The following TRRAP variants were observed in gnomAD, a reference collection of about 807,000 sequenced individuals.
TRRAP encodes transformation/transcription domain associated protein, also known as transformation/transcription domain-associated protein.
In TRRAP, 41 loss-of-function variants were observed where a neutral mutation model predicts 438.8. That is an observed-to-expected ratio of 0.09 (90% CI 0.07 to 0.12). The LOEUF (loss-of-function observed/expected upper bound fraction) is 0.12, where lower values mean the gene tolerates loss of function less well. Ranked by LOEUF, TRRAP falls within the 10% of genes least tolerant of loss-of-function variation. TRRAP has a pLI of 1.00. For synonymous variants in TRRAP, 1,994 were observed against 1,962.9 expected (o/e 1.02, Z -0.42); for missense variants, 3,122 against 5,055.1 (o/e 0.62, Z 11.60).
In TRRAP at chr7:99,011,379, C is replaced by T; in HGVS notation, c.11181C>T (p.Asp3727=). The change falls in exon 72 of 73, where the codon GAC becomes GAT. Residue 3727 remains aspartate, a synonymous_variant. Coordinates refer to ENST00000456197, the MANE Select transcript of TRRAP (RefSeq NM_001375524.1). This position sits in a 1 kb window ranked among gnomAD's most constrained non-coding sequence, Gnocchi z 7.1. Reference sequence around the variant, plus strand: ...TGAATGTTGCCTACTTTCGATTTGACATAAACGACGCGACTGGAGACCTGG... The same window carrying T: ...TGAATGTTGCCTACTTTCGATTTGATATAAACGACGCGACTGGAGACCTGG... ...GKLNVAYFRF[D]INDATGDLDA... is the part of the protein sequence containing the mutation. 1 of 1,613,870 alleles carries T rather than the reference C, an allele frequency of 6.2e-7. No individual in the cohort carries two copies. The highest frequency in any genetic ancestry group is 2.2e-5 in the East Asian group (1 of 44,870).
At chr7:98,891,835 G>C (rs1445368218) in intron 4 of TRRAP, among the ~76,000 whole-genome samples, 5 of 152,070 alleles carry the variant, frequency 3.3e-5, no homozygotes, top group Admixed American at 3.3e-4. Flanking sequence ...ACCGCGCCCG[G>C]CCCAGCATGT....
At position 99,011,167 on chromosome 7, in the gene TRRAP, T is replaced by C. The variant is rs202108541; in HGVS notation, c.11054T>C (p.Met3685Thr). The part of the protein sequence containing the change: ...NATDYWTFRK[M>T]FTIQLALIGF... ...ACGGACTACTGGACGTTCCGGAAGA[T>C]GTTCACCATCCAGCTGGCTCTGATA... The change falls in exon 71 of 73, where the codon ATG becomes ACG. Residue 3685 changes from methionine (M) to threonine (T), a missense_variant. Met to Thr is a moderately conservative substitution (Grantham distance 81). Around this residue, in one of 24 missense-constraint regions of TRRAP, gnomAD observed 192 missense variants for 355.6 expected, o/e 0.54. Coordinates refer to ENST00000456197, the MANE Select transcript of TRRAP (RefSeq NM_001375524.1). This position sits in a 1 kb window ranked among gnomAD's most constrained non-coding sequence, Gnocchi z 7.1. The C allele has an allele frequency of 1.2e-6, 2 of 1,614,144 alleles. No homozygotes were observed. The highest frequency in any genetic ancestry group is 1.7e-6 in the Non-Finnish European group (2 of 1,180,022).
chr7:99,008,471 C>A lies in TRRAP; in HGVS notation c.10848C>A (p.Ala3616=). 1 of 1,614,182 alleles carries A rather than the reference C, an allele frequency of 6.2e-7. No homozygotes were observed. The highest frequency in any genetic ancestry group is 8.5e-7 in the Non-Finnish European group (1 of 1,180,030). ...SLVEIYKQRC[A]KKGIEHDNPI... Reference sequence around the variant, plus strand: ...TGGAGATCTACAAGCAGCGCTGCGCCAAGAAGGGCATCGAGCATGACAACC... The same window carrying A: ...TGGAGATCTACAAGCAGCGCTGCGCAAAGAAGGGCATCGAGCATGACAACC... Residue 3616 remains alanine (A), a synonymous_variant, in exon 70 of 73, where the codon GCC becomes GCA. Coordinates refer to ENST00000456197, the MANE Select transcript of TRRAP (RefSeq NM_001375524.1).
At position 98,905,724 on chromosome 7, in the gene TRRAP, G is replaced by A. The variant is rs148253377; in HGVS notation, c.1037-453G>A. Among the ~76,000 whole-genome samples, 104 of 152,296 alleles carry A rather than the reference G, an allele frequency of 6.8e-4. 1 individual carries two copies. Among genetic ancestry groups the A allele is most frequent in the African/African-American group, 2.4e-3 (101 of 41,568 alleles). ...ATGCCTGTGAGAACATTGTAAAAAC[G>A]CCTGGACCTTTGTAATTTACATAGA... On this transcript the variant is annotated intron_variant, in intron 12 of 72. Transcript: ENST00000456197.
In TRRAP at chr7:98,951,059, CTGTG is replaced by C. The variant is rs67173253; in HGVS notation, c.5463+87_5463+90del. ...AGTAGCCTGGCATGTGGATGAACAT[CTGTG>C]TGTGTGTGTGTGTGTGTGTGTGTGT... On this transcript the variant is annotated intron_variant, in intron 39 of 72. Coordinates refer to ENST00000456197, the MANE Select transcript of TRRAP (RefSeq NM_001375524.1). 3.8e-3 allele frequency: 3,699 copies of C among 967,862 alleles called. 6 individuals are homozygous for C. Among genetic ancestry groups the C allele is most frequent in the African/African-American group, 0.029 (1,729 of 60,504 alleles). 60.0% of individuals were successfully genotyped at this position (967,862 alleles called of 1,614,324 possible).
At chr7:98,915,452 A>G (rs1290592461) in intron 18 of TRRAP, among the ~76,000 whole-genome samples, 2 of 152,152 alleles carry the variant, frequency 1.3e-5, no homozygotes, top group Non-Finnish European at 1.5e-5. Flanking sequence ...TTGGCCTCCC[A>G]AAGTGCTGGG....
chr7:98,991,187 T>TC (rs1162715929), intron 64 of TRRAP, among the ~76,000 whole-genome samples: 1 of 152,130 alleles, frequency 6.6e-6, no homozygotes, highest in African/African-American at 2.4e-5. Context: ...GATGTCCCTC[T>TC]CCCGTGAAAA....
chr7:98,904,347 G>C (rs1796617200), intron 12 of TRRAP, among the ~76,000 whole-genome samples: 1 of 152,018 alleles, frequency 6.6e-6, no homozygotes, highest in Non-Finnish European at 1.5e-5. Context: ...GCCAGGCGTG[G>C]TGGCGGGCAC....
chr7:98,966,978 A>G, intron 49 of TRRAP, 63 bp from the exon 50 acceptor site: 1 of 1,539,432 alleles, frequency 6.5e-7, no homozygotes, highest in Non-Finnish European at 8.8e-7. Flanking sequence ...GTAGGAGCTT[A>G]AAAAATACTA....
At chr7:98,937,966 G>A in intron 30 of TRRAP, 146 bp downstream of exon 30, 1 of 864,932 alleles carries the variant, frequency 1.2e-6, no homozygotes, top group Non-Finnish European at 1.6e-6. Context: ...CTTGCAGTTG[G>A]GAGTTCGAGA....
chr7:98,990,709 G>A, intron 64 of TRRAP, 90 bp downstream of exon 64: 2 of 1,423,040 alleles, frequency 1.4e-6, no homozygotes, highest in Non-Finnish European at 9.4e-7. Flanking sequence ...AAATTTGAGT[G>A]TTCAAAGTAT....
intron 2 of TRRAP, chr7:98,881,740 CGT>C (rs1216369096): frequency 1.3e-5 from 6 of 462,002 alleles, no homozygotes; most frequent in Admixed American, 4.0e-5. Flanking sequence ...CAAAGAGGCA[CGT>C]GTGTGTGTTT....
In TRRAP at chr7:98,994,348, T is replaced by G. The variant is rs1192434296; in HGVS notation, c.10048-239T>G. ...CCAAAAAAGTGGGGCTTTTCTGTTTTCGCTTTTTGAATGTTCAGGTCCCTT... is the reference window on the plus strand; with the variant it reads ...CCAAAAAAGTGGGGCTTTTCTGTTTGCGCTTTTTGAATGTTCAGGTCCCTT... On this transcript the variant is annotated intron_variant, in intron 66 of 72. Coordinates refer to ENST00000456197, the MANE Select transcript of TRRAP (RefSeq NM_001375524.1). This position sits in a 1 kb window ranked among gnomAD's most constrained non-coding sequence, Gnocchi z 4.8. 6.6e-6 allele frequency among the ~76,000 whole-genome samples: 1 copy of G among 152,172 alleles called. No individual in the cohort carries two copies. Among genetic ancestry groups the G allele is most frequent in the African/African-American group, 2.4e-5 (1 of 41,436 alleles).
intron 48 of TRRAP, 30 bp downstream of exon 48, chr7:98,964,805 TCAGACTCTGTTGAACAGAGAA>T (rs770096272): frequency 2.0e-5 from 32 of 1,600,512 alleles, no homozygotes; most frequent in East Asian, 1.8e-4. Context: ...GGGCCTTTCC[TCAGACTCTGTTGAACAGAGAA>T]CAGACTCTGT....
chr7:98,912,677 A>G (rs1789327930), intron 18 of TRRAP, among the ~76,000 whole-genome samples: 2 of 152,114 alleles, frequency 1.3e-5, no homozygotes, highest in South Asian at 4.1e-4. Context: ...AGATGGTTCT[A>G]TTTTTAAAAA....
At chr7:98,939,516 A>G (rs1259288572) in intron 30 of TRRAP, among the ~76,000 whole-genome samples, 2 of 152,252 alleles carry the variant, frequency 1.3e-5, no homozygotes, top group Admixed American at 6.5e-5. Context: ...CCCTAATAAT[A>G]CATTATAATT....
intron 59 of TRRAP, among the ~76,000 whole-genome samples, chr7:98,982,848 G>A (rs1056633184): frequency 6.6e-5 from 10 of 152,216 alleles, no homozygotes; most frequent in East Asian, 1.9e-4. Flanking sequence ...TAGCAGGCAC[G>A]TTGGGAAAAG....
Position 98,950,856 on chromosome 7 carries a change from T to G in TRRAP, c.5335-20T>G. ...GCATGGCTTTGTTTTTCTCCTTCTT[T>G]ATTTAAATTTTTTTTGTAGGTTCTG... is the stretch of plus-strand genomic sequence containing the variant. On this transcript the variant is annotated intron_variant, in intron 38 of 72. Coordinates refer to ENST00000456197, the MANE Select transcript of TRRAP (RefSeq NM_001375524.1). 1 of 1,508,688 alleles carries G rather than the reference T, an allele frequency of 6.6e-7. No homozygotes were observed. Among genetic ancestry groups the G allele is most frequent in the Non-Finnish European group, 8.8e-7 (1 of 1,131,708 alleles). 93.5% of individuals were successfully genotyped at this position (1,508,688 alleles called of 1,614,324 possible). A position where few individuals can be genotyped will look rare whatever the true frequency, so the allele number is the denominator to read the frequency against.
At chr7:98,960,858 C>T (rs915227987) in intron 45 of TRRAP, among the ~76,000 whole-genome samples, 1 of 151,972 alleles carries the variant, frequency 6.6e-6, no homozygotes, top group Admixed American at 6.6e-5. Flanking sequence ...CTCAAGTGAT[C>T]CATCCACTTC....
Sources: allele counts gnomAD v4.1 joint callset (sites outside exome capture counted in the v4.1 genomes callset), GRCh38; gene constraint gnomAD v4.1.1; regional missense constraint gnomAD v4.1.1; non-coding constraint Gnocchi (gnomAD v3.1); transcripts MANE v1.5; gene names NCBI Gene and HGNC (gene_info 2026-07-23, HGNC 2026-07-21).